Variants in ADARB1 observed in about 807,000 individuals in gnomAD.
ADARB1 encodes double-stranded RNA-specific editase 1.
ADARB1 carries 10 observed loss-of-function variants against 52.4 expected under a neutral mutation model. The observed-to-expected ratio is 0.19, with a 90% CI of 0.12 to 0.32. ADARB1 has a LOEUF of 0.32. Among genes scored for constraint, ADARB1 ranks in the 10% least tolerant of loss-of-function variants. The probability of loss-of-function intolerance (pLI) is 1.00; values close to 1 mark genes in which losing one functional copy is unlikely to be tolerated. For synonymous variants in ADARB1, 349 were observed against 371.1 expected, an observed-to-expected ratio of 0.94 and a Z score of 0.68; for missense variants, 643 against 922.3, an observed-to-expected ratio of 0.70 and a Z score of 3.92.
In ADARB1 at chr21:45,224,976, A is replaced by C; in HGVS notation, c.*2779A>C. 7 of 985,482 alleles carry C rather than the reference A, an allele frequency of 7.1e-6. No homozygotes were observed. Among genetic ancestry groups the C allele is most frequent in the African/African-American group, 1.7e-5 (1 of 57,308 alleles). 61.0% of individuals were successfully genotyped at this position (985,482 alleles called of 1,614,324 possible). A position where few individuals can be genotyped will look rare whatever the true frequency, so the allele number is the denominator to read the frequency against. ...TCCTTGATGTGGCTTTTAGAGACTT[A>C]GCAGAAAATTCGACACAAGCAGGAA... On this transcript the variant is annotated 3_prime_UTR_variant, in exon 11 of 11. Transcript: ENST00000348831.
chr21:45,105,893 G>A (rs1486756240), intron 1 of ADARB1, among the ~76,000 whole-genome samples: 1 of 152,110 alleles, frequency 6.6e-6, no homozygotes, highest in African/African-American at 2.4e-5. Flanking sequence ...TTTTTATAGT[G>A]TACCCATGTC....
At chr21:45,131,867 T>A (rs2088962057) in intron 2 of ADARB1, among the ~76,000 whole-genome samples, 2 of 152,214 alleles carry the variant, frequency 1.3e-5, no homozygotes. Flanking sequence ...CTGACCTCTG[T>A]CCTGGTGCCT....
rs553677597 is a variant in ADARB1 at position 45,194,140 on chromosome 21, T to A, written c.1565+9049T>A. Among the ~76,000 whole-genome samples, 30 of 152,322 alleles carry A rather than the reference T, an allele frequency of 2.0e-4. 1 individual carries two copies. The South Asian group carries it at 5.8e-3, about 30-fold the overall frequency. ...ATACAAACAAGTGATTCCTTATTAT[T>A]TAGAGTGGTTTTAGGTTTATAGGAA... On this transcript the variant is annotated intron_variant, in intron 8 of 10. Coordinates refer to ENST00000348831, the MANE Select transcript of ADARB1 (RefSeq NM_001112.4).
At chr21:45,165,123 T>C (rs754927603) in intron 2 of ADARB1, among the ~76,000 whole-genome samples, 3 of 152,126 alleles carry the variant, frequency 2.0e-5, no homozygotes, top group Non-Finnish European at 1.5e-5. Context: ...TGGGCCAGTC[T>C]ACTACTGTCT....
At chr21:45,088,183 C>T (rs1360857823) in intron 1 of ADARB1, among the ~76,000 whole-genome samples, 2 of 152,178 alleles carry the variant, frequency 1.3e-5, no homozygotes, top group Non-Finnish European at 2.9e-5. Context: ...ACATATGCAT[C>T]TCCTAGCCTT....
intron 1 of ADARB1, among the ~76,000 whole-genome samples, chr21:45,115,284 C>T (rs111887577): frequency 1.3e-3 from 194 of 152,300 alleles, no homozygotes; most frequent in African/African-American, 4.5e-3. Context: ...AATGCTGAGC[C>T]GCTGTGATGG....
chr21:45,123,458 C>T (rs1036005058), intron 1 of ADARB1, among the ~76,000 whole-genome samples: 1 of 152,156 alleles, frequency 6.6e-6, no homozygotes, highest in African/African-American at 2.4e-5. Context: ...CATGAGCCAC[C>T]ACTCCTGGCT....
In ADARB1 at chr21:45,220,257, A is replaced by G. The variant is rs978599495; in HGVS notation, c.1748-579A>G. Among the ~76,000 whole-genome samples, 2 of 152,212 alleles carry G rather than the reference A, an allele frequency of 1.3e-5. No individual in the cohort carries two copies. Among genetic ancestry groups the G allele is most frequent in the African/African-American group, 2.4e-5 (1 of 41,458 alleles). ...GGTTTTTTCATAATAAGCATTTTCC[A>G]TGAACTTTTTCAAGACTCTTGTTAA... is the stretch of plus-strand genomic sequence containing the variant. On this transcript the variant is annotated intron_variant, in intron 9 of 10. Coordinates refer to ENST00000348831, the MANE Select transcript of ADARB1 (RefSeq NM_001112.4). The surrounding 1 kb of genome is among the most constrained non-coding windows in gnomAD (Gnocchi z 6.3).
In ADARB1 at chr21:45,167,613, T is replaced by C. The variant is rs147223617; in HGVS notation, c.-47-3997T>C. On this transcript the variant is annotated intron_variant, in intron 2 of 10. Coordinates refer to ENST00000348831, the MANE Select transcript of ADARB1 (RefSeq NM_001112.4). ...TAAAAATACAAAAATTAGCCAGGCA[T>C]GGTGGCACATCCCTGTAATCCCAGC... Among the ~76,000 whole-genome samples, 1,049 of 152,120 alleles carry C rather than the reference T, an allele frequency of 6.9e-3. 18 individuals carry two copies. The highest frequency in any genetic ancestry group is 0.024 in the African/African-American group (1,001 of 41,500).
intron 4 of ADARB1, among the ~76,000 whole-genome samples, chr21:45,178,682 C>T (rs562675400): frequency 2.9e-4 from 44 of 152,336 alleles, no homozygotes; most frequent in African/African-American, 8.7e-4. Context: ...GTAGGTCAGT[C>T]ATCCCTGCGT....
Position 45,220,666 on chromosome 21 carries a change from C to T in ADARB1, c.1748-170C>T, listed in dbSNP as rs576773409. On this transcript the variant is annotated intron_variant, in intron 9 of 10. Coordinates refer to ENST00000348831, the MANE Select transcript of ADARB1 (RefSeq NM_001112.4). The surrounding 1 kb of genome is among the most constrained non-coding windows in gnomAD (Gnocchi z 6.3). ...CTGGTGGCCGTGGAAGAGTGTGAGG[C>T]CACTGCCACGGCAGATGCACGCTCA... Among the ~76,000 whole-genome samples, 2 of 152,330 alleles carry T rather than the reference C, an allele frequency of 1.3e-5. No homozygotes were observed. Among genetic ancestry groups the T allele is most frequent in the Admixed American group, 1.3e-4 (2 of 15,304 alleles).
chr21:45,088,364 A>G (rs1426355451), intron 1 of ADARB1, among the ~76,000 whole-genome samples: 1 of 152,248 alleles, frequency 6.6e-6, no homozygotes, highest in African/African-American at 2.4e-5. Context: ...GAGGGCACAT[A>G]AGCAACCTGG....
chr21:45,123,140 A>G (rs1001723968), intron 1 of ADARB1, among the ~76,000 whole-genome samples: 1 of 152,152 alleles, frequency 6.6e-6, no homozygotes, highest in Non-Finnish European at 1.5e-5. Context: ...CACATATATA[A>G]GAGAATAATT....
chr21:45,164,935 A>C (rs956088617), intron 2 of ADARB1, among the ~76,000 whole-genome samples: 2 of 152,222 alleles, frequency 1.3e-5, no homozygotes, highest in African/African-American at 4.8e-5. Context: ...GTCTGGCCTG[A>C]TGGCTGCAGC....
rs570734033 is a variant in ADARB1, at chr21:45,106,213, T to C, written c.-219-22189T>C. On this transcript the variant is annotated intron_variant, in intron 1 of 10. Coordinates refer to ENST00000348831, the MANE Select transcript of ADARB1 (RefSeq NM_001112.4). ...GGAGGCTTTTTTTTTTTATAGGTCC[T>C]TTCTCTACTTGGCTATGTTGCCTGC... 4.6e-5 allele frequency among the ~76,000 whole-genome samples: 7 copies of C among 151,528 alleles called. No homozygotes were observed. The South Asian group carries it at 1.3e-3, about 27-fold the overall frequency.
At chr21:45,149,104 G>A (rs549800719) in intron 2 of ADARB1, among the ~76,000 whole-genome samples, 1 of 152,334 alleles carries the variant, frequency 6.6e-6, no homozygotes, top group South Asian at 2.1e-4. Flanking sequence ...GTTCCTGGGT[G>A]CAACAACATG....
In ADARB1 at chr21:45,074,686, C is replaced by G. The variant is rs2085839823; in HGVS notation, c.-327C>G. The G allele has an allele frequency of 6.9e-6, 1 of 144,806 alleles. No individual in the cohort carries two copies. The allele number at this position is 144,806 out of a possible 1,614,324, so 9.0% of individuals were successfully genotyped here. A position where few individuals can be genotyped will look rare whatever the true frequency, so the allele number is the denominator to read the frequency against. Reference sequence around the variant, plus strand: ...GGGCCGCGCGAGGCCACGGCCACGCCGCGCCGCTGCGCACAACCAACGAGG... The same window carrying G: ...GGGCCGCGCGAGGCCACGGCCACGCGGCGCCGCTGCGCACAACCAACGAGG... On this transcript the variant is annotated 5_prime_UTR_variant, in exon 1 of 11. Coordinates refer to ENST00000348831, the MANE Select transcript of ADARB1 (RefSeq NM_001112.4).
At chr21:45,138,605 G>A (rs980209652) in intron 2 of ADARB1, among the ~76,000 whole-genome samples, 9 of 152,184 alleles carry the variant, frequency 5.9e-5, no homozygotes, top group African/African-American at 2.2e-4. Context: ...CCAGAACTGT[G>A]TCTTTCTCCT....
rs2093048573 is a variant in ADARB1 at position 45,225,627 on chromosome 21, C to T, written c.*3430C>T. On this transcript the variant is annotated 3_prime_UTR_variant, in exon 11 of 11. Transcript: ENST00000348831. ...GATTAGCGAAGCTGTGGAGACTGCA[C>T]ATCCGGACCTGCCCATGTCTCAAAA... The T allele has an allele frequency of 8.1e-7, 1 of 1,231,800 alleles. No individual in the cohort carries two copies. Among genetic ancestry groups the T allele is most frequent in the Non-Finnish European group, 1.1e-6 (1 of 947,324 alleles). The allele number at this position is 1,231,800 out of a possible 1,614,324, so 76.3% of individuals were successfully genotyped here. A position where few individuals can be genotyped will look rare whatever the true frequency, so the allele number is the denominator to read the frequency against.
Sources: allele counts gnomAD v4.1 joint callset (sites outside exome capture counted in the v4.1 genomes callset), GRCh38; gene constraint gnomAD v4.1.1; non-coding constraint Gnocchi (gnomAD v3.1); transcripts MANE v1.5; gene names NCBI Gene and HGNC (gene_info 2026-07-23, HGNC 2026-07-21).